TOPAZ1: variants seen among roughly 807,000 people sequenced by gnomAD.
The protein encoded by TOPAZ1 is testis and ovary specific TOPAZ 1.
A neutral mutation model predicts 172.2 loss-of-function variants in TOPAZ1; 66 were observed. The observed-to-expected ratio is 0.38, with a 90% CI of 0.31 to 0.47. The LOEUF (loss-of-function observed/expected upper bound fraction) is 0.47, where lower values mean the gene tolerates loss of function less well. TOPAZ1 is among the 20% of genes least tolerant of loss of function. The pLI is 0.99. For synonymous variants in TOPAZ1, 681 were observed against 683.9 expected (o/e 1.00, Z 0.07); for missense variants, 1,822 against 1,972.4 (o/e 0.92, Z 1.44).
At chr3:44,304,220 A>C (rs1700309687) in intron 13 of TOPAZ1, 139 bp downstream of exon 13, 1 of 501,548 alleles carries the variant, frequency 2.0e-6, no homozygotes, top group African/African-American at 2.0e-5. Context: ...CAAGGAAAGG[A>C]AGTTTTGTTT....
intron 2 of TOPAZ1, among the ~76,000 whole-genome samples, chr3:44,248,108 A>G (rs935927920): frequency 6.6e-6 from 1 of 152,144 alleles, no homozygotes; most frequent in Non-Finnish European, 1.5e-5. Flanking sequence ...TAGTTTACAT[A>G]TTTCCCCCTC....
chr3:44,331,038 C>T (rs933209214), intron 19 of TOPAZ1, among the ~76,000 whole-genome samples: 1 of 152,112 alleles, frequency 6.6e-6, no homozygotes, highest in Non-Finnish European at 1.5e-5. Flanking sequence ...TAGTCAATAT[C>T]AAAGTAAAAC....
intron 10 of TOPAZ1, 65 bp downstream of exon 10, chr3:44,287,605 T>G: frequency 8.1e-7 from 1 of 1,227,130 alleles, no homozygotes; most frequent in South Asian, 1.8e-5. Context: ...ATATTCATTG[T>G]TTGAACTTAG....
chr3:44,270,144 T>C (rs1244415371), intron 7 of TOPAZ1, among the ~76,000 whole-genome samples: 1 of 152,222 alleles, frequency 6.6e-6, no homozygotes, highest in Non-Finnish European at 1.5e-5. Flanking sequence ...GGAAAGTTTG[T>C]TGTAAAAAGC....
At chr3:44,262,509 T>G (rs201930783) in intron 5 of TOPAZ1, 26 bp downstream of exon 5, 1 of 1,156,712 alleles carries the variant, frequency 8.6e-7, no homozygotes, top group East Asian at 2.6e-5. Context: ...CTTAATTACA[T>G]AACTTAAAAT....
At chr3:44,278,982 C>T (rs1467480036) in intron 8 of TOPAZ1, among the ~76,000 whole-genome samples, 1 of 151,936 alleles carries the variant, frequency 6.6e-6, no homozygotes, top group Admixed American at 6.6e-5. Flanking sequence ...CTATAAACTT[C>T]CCTTTTAGAA....
chr3:44,310,434 G>A (rs1409635687), intron 16 of TOPAZ1, among the ~76,000 whole-genome samples: 1 of 152,116 alleles, frequency 6.6e-6, no homozygotes, highest in Non-Finnish European at 1.5e-5. Flanking sequence ...GGGAGGCGGA[G>A]GTTGCAGTGA....
intron 9 of TOPAZ1, 135 bp downstream of exon 9, chr3:44,282,166 A>T (rs2125691012): frequency 1.7e-6 from 1 of 577,712 alleles, no homozygotes; most frequent in South Asian, 2.7e-5. Flanking sequence ...CTAAGAAAGG[A>T]TTGAAAATAA....
intron 16 of TOPAZ1, among the ~76,000 whole-genome samples, chr3:44,320,313 G>A (rs982108635): frequency 4.6e-5 from 7 of 151,952 alleles, no homozygotes; most frequent in Admixed American, 4.6e-4. Context: ...AAAGCTATTC[G>A]CTGGTCGGGC....
intron 18 of TOPAZ1, among the ~76,000 whole-genome samples, chr3:44,327,002 C>A (rs1268154049): frequency 6.6e-6 from 1 of 152,144 alleles, no homozygotes; most frequent in Non-Finnish European, 1.5e-5. Flanking sequence ...TTTGTTGCTC[C>A]TGGCAGTGAC....
intron 3 of TOPAZ1, among the ~76,000 whole-genome samples, chr3:44,255,780 G>A (rs1699696161): frequency 6.7e-6 from 1 of 148,896 alleles, no homozygotes; most frequent in African/African-American, 2.5e-5. Flanking sequence ...ATTTCATAGG[G>A]CATAACTTAG....
At chr3:44,327,904 C>T (rs1463928997) in intron 18 of TOPAZ1, among the ~76,000 whole-genome samples, 3 of 152,018 alleles carry the variant, frequency 2.0e-5, no homozygotes, top group Admixed American at 2.0e-4. Context: ...GCCACCACAC[C>T]CAACTAATTT....
At chr3:44,278,677 T>G (rs1699990358) in intron 8 of TOPAZ1, among the ~76,000 whole-genome samples, 1 of 152,120 alleles carries the variant, frequency 6.6e-6, no homozygotes, top group South Asian at 2.1e-4. Context: ...ATTTTCATAG[T>G]ATCCATTGTA....
chr3:44,300,716 A>G (rs1485318008), intron 12 of TOPAZ1, among the ~76,000 whole-genome samples: 3 of 152,218 alleles, frequency 2.0e-5, no homozygotes, highest in Non-Finnish European at 4.4e-5. Context: ...CAGTTTCTCT[A>G]CAAACTAAAC....
intron 2 of TOPAZ1, among the ~76,000 whole-genome samples, chr3:44,250,178 G>A (rs1352636734): frequency 7.3e-6 from 1 of 136,862 alleles, no homozygotes; most frequent in African/African-American, 2.7e-5. Context: ...CTTAATCCCA[G>A]TTTGTTCCCC....
chr3:44,333,312 C>A (rs917631378), downstream of TOPAZ1, among the ~76,000 whole-genome samples: 1 of 152,032 alleles, frequency 6.6e-6, no homozygotes, highest in African/African-American at 2.4e-5. Flanking sequence ...CAGGTGACGT[C>A]AAGAAGGATA....
At chr3:44,325,288 T>TG (rs1180119634) in intron 18 of TOPAZ1, among the ~76,000 whole-genome samples, 5 of 152,240 alleles carry the variant, frequency 3.3e-5, no homozygotes, top group Non-Finnish European at 7.3e-5. Flanking sequence ...TAAGACTTGG[T>TG]GCCAGTGCCT....
chr3:44,321,730 G>A (rs139666584), intron 17 of TOPAZ1, among the ~76,000 whole-genome samples: 227 of 152,280 alleles, frequency 1.5e-3, no homozygotes, highest in Admixed American at 2.5e-3. Flanking sequence ...CCTCCCCTCA[G>A]TACTTTCATC....
chr3:44,278,724 T>C (rs994000100), intron 8 of TOPAZ1, among the ~76,000 whole-genome samples: 3 of 152,066 alleles, frequency 2.0e-5, no homozygotes, highest in African/African-American at 7.2e-5. Context: ...ATTTGGGTCT[T>C]TTCTTTTTCT....
Sources: allele counts gnomAD v4.1 joint callset (sites outside exome capture counted in the v4.1 genomes callset), GRCh38; gene constraint gnomAD v4.1.1; transcripts MANE v1.5; gene names NCBI Gene and HGNC (gene_info 2026-07-23, HGNC 2026-07-21).